The following KCTD13 variants were observed in gnomAD, a reference collection of about 807,000 sequenced individuals.
The protein encoded by KCTD13 is potassium channel tetramerization domain containing 13, also known as BTB/POZ domain-containing adapter for CUL3-mediated RhoA degradation protein 1.
A neutral mutation model predicts 32.3 loss-of-function variants in KCTD13; 15 were observed. The observed-to-expected ratio is 0.46, with a 90% CI of 0.31 to 0.71. The LOEUF (loss-of-function observed/expected upper bound fraction) is 0.71, where lower values mean the gene tolerates loss of function less well. Ranked by LOEUF, KCTD13 falls within the 30% of genes least tolerant of loss-of-function variation. The pLI is 0.05. For missense variants in KCTD13, 337 were observed against 452.6 expected (o/e 0.74, Z 2.32); for synonymous variants, 189 against 200.1 (o/e 0.94, Z 0.47).
rs1398075900 is a variant in KCTD13 at position 29,911,167 on chromosome 16, T to G, written c.564A>C (p.Ser188=). The part of the protein sequence containing the change: ...SNNKYSYTST[S]DDNLLKNIEL... ...CGATGTTCTTAAGTAGGTTGTCATC[T>G]GAAGTGCTGGGGACCAGGGGACCAG... The change falls in exon 5 of 6, where the codon TCA becomes TCC. Residue 188 remains serine (S), a synonymous_variant. Coordinates refer to ENST00000568000, the MANE Select transcript of KCTD13 (RefSeq NM_178863.5). 6.2e-7 allele frequency: 1 copy of G among 1,613,920 alleles called. No individual in the cohort carries two copies. Among genetic ancestry groups the G allele is most frequent in the South Asian group, 1.1e-5 (1 of 91,074 alleles).
At chr16:29,919,365 T>C (rs1048894153) in intron 2 of KCTD13, 4 of 152,250 alleles carry the variant, frequency 2.6e-5, no homozygotes, top group African/African-American at 4.8e-5. Flanking sequence ...GTAATGCTTA[T>C]GGTATTATTA....
chr16:29,925,971 G>A lies in KCTD13; in HGVS notation c.63C>T (p.Pro21=). 1 of 1,610,058 alleles carries A rather than the reference G, an allele frequency of 6.2e-7. No individual in the cohort carries two copies. Among genetic ancestry groups the A allele is most frequent in the Middle Eastern group, 1.7e-4 (1 of 5,926 alleles). Residue 21 remains proline (P), a synonymous_variant, in exon 1 of 6, where the codon CCC becomes CCT. Coordinates refer to ENST00000568000, the MANE Select transcript of KCTD13 (RefSeq NM_178863.5). The part of the protein sequence containing the change: ...AAAPSLEAPK[P]SGLEPGPAAY... ...CGGCGGGGCCAGGCTCGAGACCCGA[G>A]GGCTTGGGGGCTTCCAGGGACGGGG...
intron 4 of KCTD13, chr16:29,911,482 T>C (rs1323089774): frequency 1.8e-6 from 1 of 560,452 alleles, no homozygotes; most frequent in African/African-American, 1.9e-5. Context: ...CTTCACCTCT[T>C]GGTGTCCCGA....
chr16:29,923,088 C>T (rs766712041), intron 2 of KCTD13, 102 bp downstream of exon 2: 182 of 1,310,054 alleles, frequency 1.4e-4, no homozygotes, highest in Non-Finnish European at 1.7e-4. Flanking sequence ...CAGCCAAAGC[C>T]AGGCTCTCCA....
chr16:29,922,988 C>G (rs750005431), intron 2 of KCTD13: 3 of 571,816 alleles, frequency 5.2e-6, no homozygotes, highest in Non-Finnish European at 9.3e-6. Context: ...TTAACCATTG[C>G]AAAGGTCCTG....
intron 2 of KCTD13, chr16:29,920,251 G>C (rs2068884040): frequency 6.6e-6 from 1 of 152,136 alleles, no homozygotes; most frequent in Non-Finnish European, 1.5e-5. Flanking sequence ...TTGAACCCCA[G>C]AGAGGGAGGT....
chr16:29,926,150 C>G lies in KCTD13; in HGVS notation c.-117G>C. ...CCAGACCGCTCGGCGCACACGCCCACTCACCGCAGCTACTCTGCAAGACCG... is the reference window on the plus strand; with the variant it reads ...CCAGACCGCTCGGCGCACACGCCCAGTCACCGCAGCTACTCTGCAAGACCG... On this transcript the variant is annotated 5_prime_UTR_variant, in exon 1 of 6. Coordinates refer to ENST00000568000, the MANE Select transcript of KCTD13 (RefSeq NM_178863.5). 2 of 1,174,194 alleles carry G rather than the reference C, an allele frequency of 1.7e-6. No individual in the cohort carries two copies. The highest frequency in any genetic ancestry group is 2.3e-6 in the Non-Finnish European group (2 of 884,452). 72.7% of individuals were successfully genotyped at this position (1,174,194 alleles called of 1,614,324 possible).
chr16:29,917,014 G>C (rs1039059954), intron 2 of KCTD13, among the ~76,000 whole-genome samples: 2 of 152,222 alleles, frequency 1.3e-5, no homozygotes, highest in African/African-American at 4.8e-5. Flanking sequence ...CTCAAAGAGA[G>C]GCAGAAGCTG....
At chr16:29,912,082 AAC>A (rs1339678502) in intron 2 of KCTD13, 33 bp from the exon 3 acceptor site, 3 of 1,459,194 alleles carry the variant, frequency 2.1e-6, no homozygotes, top group Non-Finnish European at 2.8e-6. Flanking sequence ...TTAACAGCAC[AAC>A]CAAAGGCCAC....
chr16:29,913,830 A>C (rs994765841), intron 2 of KCTD13: 1 of 152,116 alleles, frequency 6.6e-6, no homozygotes, highest in African/African-American at 2.4e-5. Context: ...TGGAAGCCTC[A>C]TTGTCTTTTT....
chr16:29,923,056 T>A, intron 2 of KCTD13, 134 bp downstream of exon 2: 1 of 984,386 alleles, frequency 1.0e-6, no homozygotes, highest in South Asian at 1.7e-5. Context: ...AGATGGCACC[T>A]CAAATTCTCT....
intron 2 of KCTD13, among the ~76,000 whole-genome samples, chr16:29,917,704 G>A (rs1427008781): frequency 6.6e-6 from 1 of 152,080 alleles, no homozygotes; most frequent in Non-Finnish European, 1.5e-5. Flanking sequence ...GCTTGAACCC[G>A]GGAGGCAGAG....
rs1028008262 is a variant in KCTD13 at position 29,906,423 on chromosome 16, G to A, written c.*449C>T. On this transcript the variant is annotated 3_prime_UTR_variant, in exon 6 of 6. Coordinates refer to ENST00000568000, the MANE Select transcript of KCTD13 (RefSeq NM_178863.5). ...AAACAGACTGATAACGCTGAGCTGG[G>A]CAGGCCCAGGCCAGTCTAGTACAAA... is the stretch of plus-strand genomic sequence containing the variant. The A allele has an allele frequency of 2.4e-6, 1 of 413,044 alleles. No individual in the cohort carries two copies. Among genetic ancestry groups the A allele is most frequent in the Non-Finnish European group, 4.8e-6 (1 of 206,220 alleles). 25.6% of individuals were successfully genotyped at this position (413,044 alleles called of 1,614,324 possible). A position where few individuals can be genotyped will look rare whatever the true frequency, so the allele number is the denominator to read the frequency against.
chr16:29,917,334 T>C (rs1283001075), intron 2 of KCTD13, among the ~76,000 whole-genome samples: 1 of 152,074 alleles, frequency 6.6e-6, no homozygotes, highest in African/African-American at 2.4e-5. Context: ...AAAATACCCA[T>C]ATATGAAAAA....
Position 29,926,021 on chromosome 16 carries a change from C to T in KCTD13, c.13G>A (p.Ala5Thr). MSAE[A>T]SGPAAAAAPS... ...GCCGCGGCGGCAGCCGGGCCCGAGG[C>T]CTCCGCCGACATGCCGGGTAGCAGC... The change falls in exon 1 of 6, where the codon GCC (alanine) becomes ACC (threonine). Residue 5 changes from alanine (A) to threonine (T), a missense_variant. Transcript: ENST00000568000. 1 of 1,535,602 alleles carries T rather than the reference C, an allele frequency of 6.5e-7. No individual in the cohort carries two copies. The highest frequency in any genetic ancestry group is 8.7e-7 in the Non-Finnish European group (1 of 1,147,806).
chr16:29,911,934 C>T (rs1183555949), intron 3 of KCTD13, 26 bp downstream of exon 3: 17 of 1,609,118 alleles, frequency 1.1e-5, no homozygotes, highest in Non-Finnish European at 1.3e-5. Context: ...AGTGAGCCTC[C>T]ACCCTGCAGG....
At chr16:29,916,074 C>T (rs1048786286) in intron 2 of KCTD13, among the ~76,000 whole-genome samples, 1 of 152,138 alleles carries the variant, frequency 6.6e-6, no homozygotes. Flanking sequence ...ACCATCCGTT[C>T]CTTAGGTATA....
chr16:29,908,159 G>A (rs1426459298), intron 5 of KCTD13, among the ~76,000 whole-genome samples: 1 of 152,108 alleles, frequency 6.6e-6, no homozygotes, highest in Non-Finnish European at 1.5e-5. Flanking sequence ...GGCACACAGA[G>A]CAGAAAGAGC....
chr16:29,913,517 A>C (rs2068753997), intron 2 of KCTD13: 1 of 152,180 alleles, frequency 6.6e-6, no homozygotes, highest in African/African-American at 2.4e-5. Flanking sequence ...TTAAATTAAC[A>C]ATATTTATTA....
Sources: gnomAD v4.1 joint callset for allele counts (sites outside exome capture counted in the v4.1 genomes callset) on GRCh38, gnomAD v4.1.1 for gene constraint, MANE v1.5 for transcripts, NCBI Gene and HGNC (gene_info 2026-07-23, HGNC 2026-07-21) for gene names.